DOCK2: variants seen among roughly 807,000 people sequenced by gnomAD.
DOCK2 encodes the protein dedicator of cytokinesis protein 2.
Under a neutral mutation model 248.9 loss-of-function variants are expected in DOCK2, and 87 were observed. The ratio of observed to expected loss-of-function variants is 0.35; its 90% CI spans 0.29 to 0.42. The LOEUF (loss-of-function observed/expected upper bound fraction) is 0.42, where lower values mean the gene tolerates loss of function less well. DOCK2 is among the 10% of genes least tolerant of loss of function. The pLI, the probability that DOCK2 is intolerant of heterozygous loss-of-function variation, is 1.00. For missense variants in DOCK2, 1,747 were observed against 2,300.2 expected (o/e 0.76, Z 4.92); for synonymous variants, 805 against 821.6 (o/e 0.98, Z 0.35).
At chr5:169,988,686 A>G (rs1581508218) in intron 29 of DOCK2, among the ~76,000 whole-genome samples, 3 of 151,952 alleles carry the variant, frequency 2.0e-5, no homozygotes, top group Non-Finnish European at 2.9e-5. Context: ...CTAATTTTGT[A>G]TTTTTAGTAG....
chr5:169,936,284 A>G (rs1454856418), intron 27 of DOCK2, among the ~76,000 whole-genome samples: 1 of 152,188 alleles, frequency 6.6e-6, no homozygotes, highest in Non-Finnish European at 1.5e-5. Context: ...TGCTTCAACG[A>G]CAGAGATGGG....
intron 26 of DOCK2, among the ~76,000 whole-genome samples, chr5:169,826,288 G>T (rs1768852166): frequency 6.6e-6 from 1 of 152,170 alleles, no homozygotes; most frequent in Non-Finnish European, 1.5e-5. Context: ...GTTTGGAGTG[G>T]TTGAGCTCCC....
At chr5:169,820,194 G>T (rs543379082) in intron 26 of DOCK2, among the ~76,000 whole-genome samples, 1 of 152,248 alleles carries the variant, frequency 6.6e-6, no homozygotes, top group Non-Finnish European at 1.5e-5. Flanking sequence ...ACCTCTGGGG[G>T]CAAGGCATAG....
intron 22 of DOCK2, among the ~76,000 whole-genome samples, chr5:169,726,481 C>A (rs1367106532): frequency 6.6e-6 from 1 of 152,154 alleles, no homozygotes; most frequent in Non-Finnish European, 1.5e-5. Flanking sequence ...ATGGTAGTTT[C>A]TTTTGCTGTG....
chr5:169,948,831 CTTT>C (rs559522558), intron 27 of DOCK2, among the ~76,000 whole-genome samples: 2 of 149,482 alleles, frequency 1.3e-5, no homozygotes, highest in African/African-American at 4.9e-5. Flanking sequence ...TGGTTTGTCT[CTTT>C]TTTTTTTCTT....
At chr5:169,908,716 T>TC (rs1774428082) in intron 27 of DOCK2, among the ~76,000 whole-genome samples, 1 of 65,404 alleles carries the variant, frequency 1.5e-5, no homozygotes, top group African/African-American at 1.0e-4. Context: ...CTTTTTTCTT[T>TC]TTTTTTTTTT....
chr5:169,684,249 C>A lies in DOCK2; in HGVS notation c.660C>A (p.Thr220=), dbSNP rs756927816. 1 of 1,614,040 alleles carries A rather than the reference C, an allele frequency of 6.2e-7. No homozygotes were observed. The highest frequency in any genetic ancestry group is 1.3e-5 in the African/African-American group (1 of 74,916). Residue 220 remains threonine, a synonymous_variant, in exon 8 of 52, where the codon ACC becomes ACA. Coordinates refer to ENST00000520908, the MANE Select transcript of DOCK2 (RefSeq NM_004946.3). The part of the protein sequence containing the change: ...AMYSRISSSP[T]HSLYVFVRNF... ...ATTCCCGGATCTCCTCATCCCCCACCCATAGCCTCTATGTGTTTGTGAGAA... is the reference window on the plus strand; with the variant it reads ...ATTCCCGGATCTCCTCATCCCCCACACATAGCCTCTATGTGTTTGTGAGAA...
chr5:170,031,772 G>A (rs76539552), intron 34 of DOCK2, among the ~76,000 whole-genome samples: 5,181 of 152,276 alleles, frequency 0.034, 144 homozygotes, highest in South Asian at 0.15. Flanking sequence ...ACCAATCCTA[G>A]ATGGTTTGAG....
chr5:169,675,746 C>T (rs1018682974), intron 6 of DOCK2, among the ~76,000 whole-genome samples: 9 of 152,114 alleles, frequency 5.9e-5, no homozygotes, highest in African/African-American at 2.2e-4. Context: ...GTAAAAAGCC[C>T]ATTTAATGGG....
rs905379106 is a variant in DOCK2, at chr5:169,763,052, T to C, written c.2554+1427T>C. ...AATGTTCTTGTGATTTTAATATTTATGTGTGTGGTTTCCTGACCCTTTAGA... is the reference window on the plus strand; with the variant it reads ...AATGTTCTTGTGATTTTAATATTTACGTGTGTGGTTTCCTGACCCTTTAGA... On this transcript the variant is annotated intron_variant, in intron 25 of 51. Transcript: ENST00000520908. The surrounding 1 kb of genome is among the most constrained non-coding windows in gnomAD (Gnocchi z 4.1). Among the ~76,000 whole-genome samples, 1 of 152,224 alleles carries C rather than the reference T, an allele frequency of 6.6e-6. No homozygotes were observed. Among genetic ancestry groups the C allele is most frequent in the African/African-American group, 2.4e-5 (1 of 41,458 alleles).
chr5:169,899,800 T>C (rs981945405), intron 27 of DOCK2, among the ~76,000 whole-genome samples: 5 of 152,248 alleles, frequency 3.3e-5, no homozygotes, highest in Non-Finnish European at 5.9e-5. Context: ...TTGTGCCTTT[T>C]GTTGACTCCA....
At chr5:170,065,948 A>G (rs780028328) in intron 44 of DOCK2, among the ~76,000 whole-genome samples, 3 of 144,244 alleles carry the variant, frequency 2.1e-5, no homozygotes, top group Non-Finnish European at 4.5e-5. Flanking sequence ...ATGCAAATGA[A>G]AACTGTTTTT....
At chr5:169,761,474 A>G (rs371972338) in intron 24 of DOCK2, 45 bp from the exon 25 acceptor site, 1 of 1,509,568 alleles carries the variant, frequency 6.6e-7, no homozygotes, top group Admixed American at 1.7e-5. Flanking sequence ...GCTGGGAGAC[A>G]TGGGTCTGCC....
chr5:170,028,767 A>G (rs13180215), intron 34 of DOCK2, among the ~76,000 whole-genome samples: 61,258 of 150,814 alleles, frequency 0.41, 13,082 homozygotes, highest in East Asian at 0.58. Flanking sequence ...ACACACACAC[A>G]CGCGTGCGCA....
intron 26 of DOCK2, among the ~76,000 whole-genome samples, chr5:169,824,229 TC>T (rs2113253621): frequency 6.6e-6 from 1 of 152,276 alleles, no homozygotes; most frequent in Non-Finnish European, 1.5e-5. Flanking sequence ...GCCATCCCCA[TC>T]AAGCTACCAA....
chr5:169,771,911 T>C (rs1480215830), intron 25 of DOCK2, among the ~76,000 whole-genome samples: 1 of 152,230 alleles, frequency 6.6e-6, no homozygotes, highest in Non-Finnish European at 1.5e-5. Context: ...ATGTTTTATA[T>C]ATAGTGTGAG....
rs375687811 is a variant in DOCK2, at chr5:169,698,411, G to C, written c.1017G>C (p.Glu339Asp). The change falls in exon 11 of 52, where the codon GAG (glutamate) becomes GAC (aspartate). Residue 339 changes from glutamate to aspartate, a missense_variant. Physicochemically the swap from Glu to Asp is conservative, Grantham distance 45 (BLOSUM62 2). Transcript: ENST00000520908. ...DITDIIKGKA[E>D]SDEEKQHFIP... ...CAGACATCATCAAGGGGAAAGCAGA[G>C]AGTGATGAAGAAAAGCAGCACTTCA... The C allele has an allele frequency of 6.2e-7, 1 of 1,614,012 alleles. No individual in the cohort carries two copies. Among genetic ancestry groups the C allele is most frequent in the African/African-American group, 1.3e-5 (1 of 74,940 alleles).
rs368399065 is a variant in DOCK2 at position 170,072,774 on chromosome 5, T to A, written c.4729-3173T>A. Among the ~76,000 whole-genome samples, 4 of 152,370 alleles carry A rather than the reference T, an allele frequency of 2.6e-5. No individual in the cohort carries two copies. The East Asian group carries it at 5.8e-4, about 22-fold the overall frequency. On this transcript the variant is annotated intron_variant, in intron 46 of 51. Coordinates refer to ENST00000520908, the MANE Select transcript of DOCK2 (RefSeq NM_004946.3). ...TTTGCATTTCCTTCATGAGCAATGA[T>A]GTTCAGCACCTTTTCATATGCTTAC...
chr5:170,040,958 A>C, intron 36 of DOCK2, 97 bp from the exon 37 acceptor site: 2 of 1,069,490 alleles, frequency 1.9e-6, no homozygotes, highest in Non-Finnish European at 2.9e-6. Context: ...TGCGACCCAG[A>C]GAGGTGCCCA....
Sources: allele counts gnomAD v4.1 joint callset (sites outside exome capture counted in the v4.1 genomes callset), GRCh38; gene constraint gnomAD v4.1.1; non-coding constraint Gnocchi (gnomAD v3.1); transcripts MANE v1.5; gene names NCBI Gene and HGNC (gene_info 2026-07-23, HGNC 2026-07-21).